RBPJ: variants seen among roughly 807,000 people sequenced by gnomAD.
RBPJ encodes recombination signal binding protein for immunoglobulin kappa J region.
In RBPJ, 9 loss-of-function variants were observed where a neutral mutation model predicts 67.8. The observed-to-expected ratio is 0.13, with a 90% CI of 0.08 to 0.23. The LOEUF (loss-of-function observed/expected upper bound fraction) is 0.23. Ranked by LOEUF, RBPJ falls within the 10% of genes least tolerant of loss-of-function variation. RBPJ has a pLI of 1.00. For missense variants in RBPJ, 305 were observed against 595.6 expected (o/e 0.51, Z 5.08); for synonymous variants, 198 against 203.3 (o/e 0.97, Z 0.22).
intron 1 of RBPJ, among the ~76,000 whole-genome samples, chr4:26,219,840 A>G (rs1454554475): frequency 6.6e-6 from 1 of 152,044 alleles, no homozygotes; most frequent in African/African-American, 2.4e-5. Flanking sequence ...CAGTGGCACA[A>G]TCTCGGCTCA....
Position 26,349,093 on chromosome 4 carries a change from C to CGCGCGCGCGT in RBPJ, c.20+28049_20+28050insGCGCGTGCGC, listed in dbSNP as rs113326244. ...AAGTTTGTGTGTGTGTGTGTGCGCG[C>CGCGCGCGCGT]GCGCACGCACTTGCCAGGCTCTAGA... On this transcript the variant is annotated intron_variant, in intron 1 of 10. Coordinates refer to ENST00000355476, the MANE Select transcript of RBPJ (RefSeq NM_015874.6). Among the ~76,000 whole-genome samples the CGCGCGCGCGT allele has an allele frequency of 3.3e-3, 497 of 150,676 alleles. 2 individuals are homozygous for CGCGCGCGCGT. Among genetic ancestry groups the CGCGCGCGCGT allele is most frequent in the African/African-American group, 6.0e-3 (247 of 41,102 alleles).
At chr4:26,204,721 G>A (rs986473667) in intron 1 of RBPJ, among the ~76,000 whole-genome samples, 2 of 152,210 alleles carry the variant, frequency 1.3e-5, no homozygotes, top group Non-Finnish European at 2.9e-5. Flanking sequence ...AGTTTTCTTA[G>A]CATGAACATA....
At chr4:26,215,050 A>G (rs1560214353) in intron 1 of RBPJ, among the ~76,000 whole-genome samples, 2 of 95,146 alleles carry the variant, frequency 2.1e-5, no homozygotes, top group African/African-American at 4.5e-5. Context: ...GGAGGGAGGG[A>G]AGAGAGAGAG....
At chr4:26,222,633 A>AATATATATATATATAT (rs10673072) in intron 1 of RBPJ, among the ~76,000 whole-genome samples, 20 of 135,926 alleles carry the variant, frequency 1.5e-4, no homozygotes, top group African/African-American at 4.6e-4. Flanking sequence ...TGTACTCTGA[A>AATATATATATATATAT]ATATATATAT....
chr4:26,336,613 G>A (rs1048155010), intron 1 of RBPJ, among the ~76,000 whole-genome samples: 2 of 150,176 alleles, frequency 1.3e-5, no homozygotes, highest in African/African-American at 4.9e-5. Context: ...TTAAACCACT[G>A]CACTCTAGCA....
chr4:26,279,636 A>G (rs899664242), intron 1 of RBPJ, among the ~76,000 whole-genome samples: 1 of 152,200 alleles, frequency 6.6e-6, no homozygotes, highest in Non-Finnish European at 1.5e-5. Flanking sequence ...CTTTTAATGT[A>G]GGATGATTCT....
intron 1 of RBPJ, among the ~76,000 whole-genome samples, chr4:26,270,436 A>C (rs866504258): frequency 2.1e-5 from 1 of 48,240 alleles, no homozygotes; most frequent in East Asian, 4.4e-4. Flanking sequence ...AAAGAAAGAA[A>C]GAAGAAAGAA....
upstream of RBPJ, among the ~76,000 whole-genome samples, chr4:26,159,499 A>T (rs1716038592): frequency 6.6e-6 from 1 of 152,208 alleles, no homozygotes; most frequent in African/African-American, 2.4e-5. Context: ...CCAAAGAACA[A>T]CTATGTGTTA....
chr4:26,341,671 G>T (rs1369136757), intron 1 of RBPJ, among the ~76,000 whole-genome samples: 3 of 151,816 alleles, frequency 2.0e-5, no homozygotes, highest in Non-Finnish European at 2.9e-5. Flanking sequence ...AAACAAAACT[G>T]ACCACTACAT....
intron 1 of RBPJ, among the ~76,000 whole-genome samples, chr4:26,246,788 CT>C (rs1218454468): frequency 6.6e-6 from 1 of 152,062 alleles, no homozygotes; most frequent in African/African-American, 2.4e-5. Flanking sequence ...GCCTGACCCC[CT>C]GACTAAATGG....
Position 26,424,553 on chromosome 4 carries a change from A to G in RBPJ, c.634+74A>G, listed in dbSNP as rs1350322804. 2 of 1,567,062 alleles carry G rather than the reference A, an allele frequency of 1.3e-6. No homozygotes were observed. Among genetic ancestry groups the G allele is most frequent in the South Asian group, 1.1e-5 (1 of 87,716 alleles). On this transcript the variant is annotated intron_variant, in intron 6 of 10. Coordinates refer to ENST00000355476, the MANE Select transcript of RBPJ (RefSeq NM_015874.6). The surrounding 1 kb of genome is among the most constrained non-coding windows in gnomAD (Gnocchi z 5.3). ...ATCTTTTGATGAGATACATGGATAT[A>G]TTAAGTTTTGTCATTTGCCTAATCA...
In RBPJ at chr4:26,434,326, C is replaced by T. The variant is rs1293583391; in HGVS notation, c.*3319C>T. ...CCATCTGTGCTTTCACAAAAAACTT[C>T]CAATGCCATTTTTGAGAACTAACCT... is the stretch of plus-strand genomic sequence containing the variant. On this transcript the variant is annotated 3_prime_UTR_variant, in exon 11 of 11. Transcript: ENST00000355476. The T allele has an allele frequency of 6.6e-6, 1 of 152,160 alleles. No individual in the cohort carries two copies. The highest frequency in any genetic ancestry group is 1.5e-5 in the Non-Finnish European group (1 of 68,022). 9.4% of individuals were successfully genotyped at this position (152,160 alleles called of 1,614,324 possible).
intron 1 of RBPJ, among the ~76,000 whole-genome samples, chr4:26,373,915 C>CTTTTTTTTTTTTTTTTTTTTTT (rs765161799): frequency 8.8e-6 from 1 of 113,344 alleles, no homozygotes; most frequent in Non-Finnish European, 1.7e-5. Context: ...TTATTTTTTA[C>CTTTTTTTTTTTTTTTTTTTTTT]TTTTTTTTTT....
In RBPJ at chr4:26,270,407, AAG is replaced by A. The variant is rs1209991647; in HGVS notation, c.-166-92037_-166-92036del. ...AAAGAAAGAAAGAAAGAAAGAAAGA[AAG>A]AAAGAAAGAAAGAAAGAAAGAAAGA... On this transcript the variant is annotated intron_variant, in intron 1 of 4. Coordinates refer to the RBPJ transcript ENST00000512351. Among the ~76,000 whole-genome samples the A allele has an allele frequency of 6.4e-5, 4 of 62,242 alleles. 1 individual carries two copies. Among genetic ancestry groups the A allele is most frequent in the African/African-American group, 1.7e-4 (4 of 23,036 alleles). 40.8% of individuals were successfully genotyped at this position (62,242 alleles called of 152,430 possible).
rs188508203 is a variant in RBPJ at position 26,427,013 on chromosome 4, G to A, written c.748-1707G>A. Among the ~76,000 whole-genome samples, 529 of 152,342 alleles carry A rather than the reference G, an allele frequency of 3.5e-3. 3 individuals are homozygous for A. The highest frequency in any genetic ancestry group is 0.012 in the African/African-American group (504 of 41,570). On this transcript the variant is annotated intron_variant, in intron 7 of 10. Coordinates refer to ENST00000355476, the MANE Select transcript of RBPJ (RefSeq NM_015874.6). ...GGCCTATTTTTGTTTAGAAGTATAT[G>A]TGTGGCTGCTGTGTGGAGAAGAGAG... is the stretch of plus-strand genomic sequence containing the variant.
intron 1 of RBPJ, among the ~76,000 whole-genome samples, chr4:26,230,005 A>G (rs889407449): frequency 5.3e-5 from 8 of 152,140 alleles, no homozygotes; most frequent in African/African-American, 1.7e-4. Context: ...CCTGGGCAAC[A>G]TGGCGAAACT....
chr4:26,364,683 A>G (rs933678230), intron 1 of RBPJ, among the ~76,000 whole-genome samples: 8 of 142,128 alleles, frequency 5.6e-5, no homozygotes, highest in African/African-American at 8.0e-5. Flanking sequence ...CTGGAGTGCA[A>G]TTGTGTGATC....
chr4:26,107,647 C>T, the RBPJ span, among the ~76,000 whole-genome samples: 2 of 152,216 alleles, frequency 1.3e-5, no homozygotes, highest in African/African-American at 4.8e-5. Context: ...ACTGTAATCC[C>T]AGTACTTTGG....
At chr4:26,316,490 TATATATATTC>T (rs202094534), upstream of RBPJ, among the ~76,000 whole-genome samples, 28 of 73,634 alleles carry the variant, frequency 3.8e-4, no homozygotes, top group Admixed American at 9.9e-4. Context: ...TACATATTCA[TATATATATTC>T]ATATATATTC....
Sources: allele counts gnomAD v4.1 joint callset (sites outside exome capture counted in the v4.1 genomes callset), GRCh38; gene constraint gnomAD v4.1.1; non-coding constraint Gnocchi (gnomAD v3.1); transcripts MANE v1.5; gene names NCBI Gene and HGNC (gene_info 2026-07-23, HGNC 2026-07-21).